Variants in SHISA9 observed in about 807,000 individuals in gnomAD.
SHISA9 encodes the protein protein shisa-9.
In SHISA9, 13 loss-of-function variants were observed where a neutral mutation model predicts 38.0. The observed-to-expected ratio is 0.34, with a 90% confidence interval of 0.22 to 0.54. SHISA9 has a LOEUF of 0.54. Among genes scored for constraint, SHISA9 ranks in the 20% least tolerant of loss-of-function variants. SHISA9 has a pLI of 0.91. For missense variants in SHISA9, 538 were observed against 575.8 expected, an observed-to-expected ratio of 0.93 and a Z score of 0.67; for synonymous variants, 275 against 242.0, an observed-to-expected ratio of 1.14 and a Z score of -1.27.
chr16:13,520,556 T>A, the SHISA9 span, among the ~76,000 whole-genome samples: 11 of 128,008 alleles, frequency 8.6e-5, no homozygotes, highest in African/African-American at 3.4e-4. Context: ...TGAGCTGAGA[T>A]GGCGCCATTG....
chr16:13,081,894 C>T (rs955674551), intron 2 of SHISA9, among the ~76,000 whole-genome samples: 2 of 150,274 alleles, frequency 1.3e-5, no homozygotes, highest in Non-Finnish European at 3.0e-5. Flanking sequence ...CTAGATTTAG[C>T]GTGTGTGTGT....
chr16:13,532,615 A>C, the SHISA9 span, among the ~76,000 whole-genome samples: 1 of 151,764 alleles, frequency 6.6e-6, no homozygotes, highest in African/African-American at 2.4e-5. Flanking sequence ...CTATCCTCTG[A>C]GAGCAGTTAT....
At chr16:12,906,915 C>G (rs558074462) in intron 1 of SHISA9, among the ~76,000 whole-genome samples, 159 of 152,224 alleles carry the variant, frequency 1.0e-3, no homozygotes, top group East Asian at 7.7e-3. Context: ...GGGCAAAGGG[C>G]AAAACTGGCC....
At chr16:13,490,777 G>A in the SHISA9 span, among the ~76,000 whole-genome samples, 1 of 152,218 alleles carries the variant, frequency 6.6e-6, no homozygotes, top group African/African-American at 2.4e-5. Context: ...CTTAGAAGGT[G>A]CTGATCGGCC....
At chr16:13,560,600 A>T in the SHISA9 span, among the ~76,000 whole-genome samples, 1 of 152,172 alleles carries the variant, frequency 6.6e-6, no homozygotes, top group Non-Finnish European at 1.5e-5. Context: ...ATTGCTGCAC[A>T]TATTATTGCT....
the SHISA9 span, among the ~76,000 whole-genome samples, chr16:13,462,988 A>T: frequency 2.3e-4 from 31 of 132,138 alleles, no homozygotes; most frequent in African/African-American, 5.9e-4. Flanking sequence ...AATAAATAAA[A>T]AATAAAAATA....
At chr16:13,309,913 G>C in the SHISA9 span, among the ~76,000 whole-genome samples, 1 of 151,932 alleles carries the variant, frequency 6.6e-6, no homozygotes, top group Non-Finnish European at 1.5e-5. Context: ...TTGAGACAGA[G>C]TCTCACTCTT....
chr16:13,518,166 C>G, the SHISA9 span, among the ~76,000 whole-genome samples: 1 of 152,106 alleles, frequency 6.6e-6, no homozygotes, highest in African/African-American at 2.4e-5. Flanking sequence ...GGGAGCTGCC[C>G]TGCAACACAC....
the SHISA9 span, among the ~76,000 whole-genome samples, chr16:13,369,206 T>C: frequency 1.3e-5 from 2 of 152,298 alleles, no homozygotes; most frequent in South Asian, 4.1e-4. Flanking sequence ...TTTATTTCCG[T>C]ATATAGAAAG....
chr16:13,046,886 C>G (rs1046120260), intron 2 of SHISA9, among the ~76,000 whole-genome samples: 36 of 152,240 alleles, frequency 2.4e-4, no homozygotes, highest in African/African-American at 8.4e-4. Flanking sequence ...GTAGCAGCAC[C>G]ATTCCCCCGG....
intron 2 of SHISA9, among the ~76,000 whole-genome samples, chr16:12,923,511 G>A (rs1190731178): frequency 6.6e-6 from 1 of 152,028 alleles, no homozygotes; most frequent in Admixed American, 6.6e-5. Context: ...CTGCATGACA[G>A]AGCAAAACTC....
the SHISA9 span, among the ~76,000 whole-genome samples, chr16:13,511,680 T>G: frequency 6.6e-6 from 1 of 152,046 alleles, no homozygotes; most frequent in African/African-American, 2.4e-5. Context: ...GGAGGGGGGA[T>G]TCAGGCAAAG....
At chr16:13,547,165 A>C in the SHISA9 span, among the ~76,000 whole-genome samples, 1 of 152,348 alleles carries the variant, frequency 6.6e-6, no homozygotes, top group East Asian at 1.9e-4. Flanking sequence ...TATTTATTGA[A>C]TATCTACTAT....
At chr16:12,903,658 A>T (rs1277393537) in intron 1 of SHISA9, among the ~76,000 whole-genome samples, 2 of 152,242 alleles carry the variant, frequency 1.3e-5, no homozygotes, top group East Asian at 3.9e-4. Context: ...GCGGGGTGGA[A>T]GGAGTGACTA....
At chr16:13,222,416 G>A (rs756112198) in intron 4 of SHISA9, among the ~76,000 whole-genome samples, 1 of 152,198 alleles carries the variant, frequency 6.6e-6, no homozygotes, top group Admixed American at 6.5e-5. Context: ...TGCTGTCACT[G>A]TGTAATTCTG....
chr16:13,193,200 A>G (rs1356408608), intron 2 of SHISA9, among the ~76,000 whole-genome samples: 1 of 152,196 alleles, frequency 6.6e-6, no homozygotes, highest in African/African-American at 2.4e-5. Context: ...CAACCTTGAC[A>G]TCAAATCCTG....
At chr16:13,074,925 A>G (rs2073563719) in intron 2 of SHISA9, among the ~76,000 whole-genome samples, 2 of 152,004 alleles carry the variant, frequency 1.3e-5, no homozygotes, top group South Asian at 4.2e-4. Context: ...CGGCCTCCCA[A>G]AGTGCTGGGA....
At chr16:12,926,245 A>G (rs1210389466) in intron 2 of SHISA9, among the ~76,000 whole-genome samples, 1 of 152,160 alleles carries the variant, frequency 6.6e-6, no homozygotes, top group African/African-American at 2.4e-5. Flanking sequence ...TAAAGGACCT[A>G]TACTGGGCGA....
the SHISA9 span, among the ~76,000 whole-genome samples, chr16:13,476,024 A>G: frequency 0.38 from 57,531 of 151,980 alleles, 11,105 homozygotes; most frequent in African/African-American, 0.46. Flanking sequence ...TGTGTGGCCC[A>G]TTTCCTAACA....
Sources: gnomAD v4.1 joint callset for allele counts (sites outside exome capture counted in the v4.1 genomes callset) on GRCh38, gnomAD v4.1.1 for gene constraint, MANE v1.5 for transcripts, NCBI Gene and HGNC (gene_info 2026-07-23, HGNC 2026-07-21) for gene names.